The following KCNH7 variants were observed in gnomAD, a reference collection of about 807,000 sequenced individuals.
KCNH7 encodes potassium voltage-gated channel subfamily H member 7.
In KCNH7, 49 loss-of-function variants were observed where a neutral mutation model predicts 120.8. The observed-to-expected ratio is 0.41, with a 90% CI of 0.32 to 0.51. The LOEUF is 0.51. Among genes scored for constraint, KCNH7 ranks in the 20% least tolerant of loss-of-function variants. The pLI is 0.38. For missense variants in KCNH7, 1,097 were observed against 1,446.6 expected (o/e 0.76, Z 3.92); for synonymous variants, 547 against 516.1 (o/e 1.06, Z -0.81).
In KCNH7 at chr2:162,379,917, C is replaced by A; in HGVS notation, c.3067G>T (p.Glu1023Ter). ...ACTTCCCCGTAGGTGAGGTCGCTTTCGGTTTCAGAGATACCCCAGGCAGCT... is the reference window on the plus strand; with the variant it reads ...ACTTCCCCGTAGGTGAGGTCGCTTTAGGTTTCAGAGATACCCCAGGCAGCT... ...QRAAWGISET[E>*]SDLTYGEVEQ... The change falls in exon 14 of 16, where the codon GAA (glutamate) becomes TAA (stop). Residue 1023 changes from glutamate (E) to a stop codon, truncating the protein, a stop_gained. Transcript: ENST00000332142. LOFTEE classifies it high-confidence loss of function. 6.2e-7 allele frequency: 1 copy of A among 1,613,982 alleles called. No homozygotes were observed. Among genetic ancestry groups the A allele is most frequent in the Non-Finnish European group, 8.5e-7 (1 of 1,179,948 alleles).
chr2:162,820,345 G>T (rs1457736102), intron 2 of KCNH7, among the ~76,000 whole-genome samples: 1 of 151,346 alleles, frequency 6.6e-6, no homozygotes, highest in Non-Finnish European at 1.5e-5. Flanking sequence ...AAAACTGCTG[G>T]GATTACAGGC....
chr2:162,515,540 A>T (rs1345966039), intron 4 of KCNH7, among the ~76,000 whole-genome samples: 1 of 151,812 alleles, frequency 6.6e-6, no homozygotes, highest in African/African-American at 2.4e-5. Flanking sequence ...GGAATCTCTG[A>T]AAAGGCAATT....
intron 8 of KCNH7, among the ~76,000 whole-genome samples, chr2:162,429,404 T>TTTTTTTTTTTTTTTTTTTTTTTTTTTTC (rs1182295218): frequency 6.9e-6 from 1 of 144,462 alleles, no homozygotes; most frequent in Non-Finnish European, 1.5e-5. Flanking sequence ...TTTTTTTTTT[T>TTTTTTTTTTTTTTTTTTTTTTTTTTTTC]TACTCACACA....
rs761431303 is a variant in KCNH7, at chr2:162,435,517, T to G, written c.1635A>C (p.Ser545=). The G allele has an allele frequency of 6.2e-7, 1 of 1,613,596 alleles. No homozygotes were observed. The highest frequency in any genetic ancestry group is 8.5e-7 in the Non-Finnish European group (1 of 1,179,746). ...VRVARKLDRY[S]EYGAAVLMLL... ...GCATTAGAACAGCAGCGCCATATTC[T>G]GAATATCGATCCAGTTTCCTGGCCA... Residue 545 remains serine, a synonymous_variant, in exon 8 of 16, where the codon TCA becomes TCC. Coordinates refer to ENST00000332142, the MANE Select transcript of KCNH7 (RefSeq NM_033272.4).
chr2:162,469,488 G>A (rs1029850186), intron 6 of KCNH7, among the ~76,000 whole-genome samples: 10 of 151,728 alleles, frequency 6.6e-5, no homozygotes, highest in South Asian at 2.1e-4. Flanking sequence ...CTTTGACAAC[G>A]GTACTAGTTG....
chr2:162,787,506 C>G (rs114025303), intron 2 of KCNH7, among the ~76,000 whole-genome samples: 4,193 of 152,236 alleles, frequency 0.028, 175 homozygotes, highest in African/African-American at 0.09. Context: ...CTTGAGGCTG[C>G]TACTCATGGA....
chr2:162,808,560 G>C (rs1321331607), intron 2 of KCNH7, among the ~76,000 whole-genome samples: 1 of 152,072 alleles, frequency 6.6e-6, no homozygotes, highest in Non-Finnish European at 1.5e-5. Context: ...TTTAAAAACT[G>C]TCAATTCACA....
chr2:162,752,850 G>A (rs1414030646), intron 2 of KCNH7, among the ~76,000 whole-genome samples: 15 of 146,524 alleles, frequency 1.0e-4, no homozygotes, highest in African/African-American at 1.7e-4. Flanking sequence ...GCAGTGAGCC[G>A]AGATTGCGCC....
intron 2 of KCNH7, among the ~76,000 whole-genome samples, chr2:162,584,859 T>C (rs1423021145): frequency 1.3e-5 from 2 of 151,842 alleles, no homozygotes; most frequent in Non-Finnish European, 2.9e-5. Context: ...TTTTTTTTTT[T>C]TTTAGCTCTG....
At chr2:162,790,407 C>T (rs1319185818) in intron 2 of KCNH7, among the ~76,000 whole-genome samples, 1 of 151,710 alleles carries the variant, frequency 6.6e-6, no homozygotes, top group Non-Finnish European at 1.5e-5. Context: ...TCTACCAAAC[C>T]TCTGAAAAAA....
intron 8 of KCNH7, among the ~76,000 whole-genome samples, chr2:162,433,780 G>C (rs1431396135): frequency 6.6e-6 from 1 of 151,968 alleles, no homozygotes; most frequent in Non-Finnish European, 1.5e-5. Context: ...TTGCTTGAGG[G>C]AAATATAAAT....
chr2:162,371,975 C>A lies in KCNH7; in HGVS notation c.3445G>T (p.Asp1149Tyr), dbSNP rs886918307. The change falls in exon 16 of 16, where the codon GAT becomes TAT. Residue 1149 changes from aspartate to tyrosine, a missense_variant. By Grantham distance (160) the Asp-to-Tyr change is radical. Around this residue, in one of 8 missense-constraint regions of KCNH7, gnomAD observed 406 missense variants for 410.5 expected, o/e 0.99. Transcript: ENST00000332142. ...CGCAGGTGAAGCTCTAAAGAGAGAT[C>A]ACTGTCTTGTTTTAAAAGTGAAGTC... ...NLTSLLKQDS[D>Y]LSLELHLRQR... 1.9e-6 allele frequency: 3 copies of A among 1,613,828 alleles called. No individual in the cohort carries two copies. The highest frequency in any genetic ancestry group is 2.5e-6 in the Non-Finnish European group (3 of 1,179,876).
intron 6 of KCNH7, among the ~76,000 whole-genome samples, chr2:162,477,764 A>T (rs1384630305): frequency 6.6e-6 from 1 of 152,100 alleles, no homozygotes; most frequent in Non-Finnish European, 1.5e-5. Context: ...ACTCTACCTT[A>T]CCTCTTCAAA....
chr2:162,746,577 G>A (rs1031927683), intron 2 of KCNH7, among the ~76,000 whole-genome samples: 10 of 152,038 alleles, frequency 6.6e-5, no homozygotes, highest in East Asian at 3.9e-4. Context: ...CACTTGAACA[G>A]CCCAGATTTG....
chr2:162,644,025 C>A (rs1684262593), intron 2 of KCNH7, among the ~76,000 whole-genome samples: 1 of 152,020 alleles, frequency 6.6e-6, no homozygotes, highest in Non-Finnish European at 1.5e-5. Flanking sequence ...CCATACTGCT[C>A]TTTTCCTCTT....
intron 8 of KCNH7, among the ~76,000 whole-genome samples, chr2:162,430,769 A>G (rs1455130573): frequency 2.0e-5 from 3 of 152,042 alleles, no homozygotes; most frequent in East Asian, 1.9e-4. Flanking sequence ...ATGCTACAAA[A>G]ATAAGAAATT....
intron 3 of KCNH7, among the ~76,000 whole-genome samples, chr2:162,532,067 C>T (rs1054128610): frequency 2.0e-5 from 3 of 151,682 alleles, no homozygotes; most frequent in African/African-American, 7.3e-5. Flanking sequence ...CTATATAAAC[C>T]TTGGAGATTT....
intron 15 of KCNH7, among the ~76,000 whole-genome samples, chr2:162,373,248 A>T (rs1479187755): frequency 6.6e-6 from 1 of 152,170 alleles, no homozygotes; most frequent in Non-Finnish European, 1.5e-5. Context: ...TAAAATTATT[A>T]TTCTAGCTTC....
chr2:162,403,333 C>A (rs1321246178), intron 9 of KCNH7, among the ~76,000 whole-genome samples: 2 of 151,930 alleles, frequency 1.3e-5, no homozygotes, highest in Non-Finnish European at 2.9e-5. Context: ...TTTAAGAATT[C>A]TTTTTCCTTG....
Sources: allele counts gnomAD v4.1 joint callset (sites outside exome capture counted in the v4.1 genomes callset), GRCh38; gene constraint gnomAD v4.1.1; regional missense constraint gnomAD v4.1.1; transcripts MANE v1.5; gene names NCBI Gene and HGNC (gene_info 2026-07-23, HGNC 2026-07-21).